Variants in MIS18BP1 observed in about 807,000 individuals in gnomAD.
The protein encoded by MIS18BP1 is mis18-binding protein 1.
A neutral mutation model predicts 116.1 loss-of-function variants in MIS18BP1; 72 were observed. That is an observed-to-expected ratio of 0.62 (90% CI 0.51 to 0.75). The LOEUF (loss-of-function observed/expected upper bound fraction) is 0.75. Ranked by LOEUF, MIS18BP1 falls within the 30% of genes least tolerant of loss-of-function variation. The pLI is 0.00. For missense variants in MIS18BP1, 1,363 were observed against 1,303.2 expected (o/e 1.05, Z -0.71); for synonymous variants, 386 against 427.0 (o/e 0.90, Z 1.18).
chr14:45,218,252 AG>A (rs1890875652), intron 12 of MIS18BP1, 29 bp downstream of exon 12: 2 of 1,601,602 alleles, frequency 1.2e-6, no homozygotes, highest in Non-Finnish European at 1.7e-6. Flanking sequence ...ACTGAGTACT[AG>A]GAAAAAAACT....
At chr14:45,244,863 T>C (rs1891682855) in intron 2 of MIS18BP1, among the ~76,000 whole-genome samples, 1 of 152,232 alleles carries the variant, frequency 6.6e-6, no homozygotes, top group Non-Finnish European at 1.5e-5. Flanking sequence ...TAACAATTGG[T>C]CTGTCTGTGT....
At chr14:45,228,911 C>T (rs572491675) in intron 8 of MIS18BP1, among the ~76,000 whole-genome samples, 1 of 152,072 alleles carries the variant, frequency 6.6e-6, no homozygotes, top group African/African-American at 2.4e-5. Flanking sequence ...CTTTACATAA[C>T]CTTAGCTATA....
Position 45,203,977 on chromosome 14 carries a change from T to C in MIS18BP1, c.*132A>G, listed in dbSNP as rs1329233181. On this transcript the variant is annotated 3_prime_UTR_variant, in exon 17 of 17. Coordinates refer to ENST00000310806, the MANE Select transcript of MIS18BP1 (RefSeq NM_018353.5). The stretch of plus-strand genomic sequence containing the variant: ...GGATATTTTACTTTGAACACAAACA[T>C]ATGAAACCTTCAAAAAAGTCCACAT... The C allele has an allele frequency of 2.2e-6, 3 of 1,340,688 alleles. No homozygotes were observed. Among genetic ancestry groups the C allele is most frequent in the Non-Finnish European group, 3.0e-6 (3 of 1,003,152 alleles). The allele number at this position is 1,340,688 out of a possible 1,614,324, so 83.0% of individuals were successfully genotyped here.
intron 4 of MIS18BP1, among the ~76,000 whole-genome samples, chr14:45,239,825 A>T (rs190728765): frequency 6.6e-6 from 1 of 152,210 alleles, no homozygotes; most frequent in Non-Finnish European, 1.5e-5. Context: ...GGCCGCATTC[A>T]GGAGAGTAGA....
chr14:45,237,288 T>C (rs1426283412), intron 5 of MIS18BP1, among the ~76,000 whole-genome samples: 1 of 152,232 alleles, frequency 6.6e-6, no homozygotes, highest in East Asian at 1.9e-4. Flanking sequence ...AATTTATATC[T>C]GGTTGTCCCA....
intron 6 of MIS18BP1, 58 bp downstream of exon 6, chr14:45,235,755 GA>G (rs770662920): frequency 6.9e-6 from 10 of 1,450,754 alleles, no homozygotes; most frequent in East Asian, 4.7e-5. Flanking sequence ...ATTACTGTGA[GA>G]AACATGGTTA....
chr14:45,248,228 C>T (rs550952778), intron 1 of MIS18BP1, among the ~76,000 whole-genome samples: 74 of 151,806 alleles, frequency 4.9e-4, no homozygotes, highest in African/African-American at 1.5e-3. Flanking sequence ...CCACCACACC[C>T]GGCTAATTTT....
intron 13 of MIS18BP1, among the ~76,000 whole-genome samples, chr14:45,211,323 T>C (rs980385988): frequency 2.0e-5 from 3 of 152,204 alleles, no homozygotes; most frequent in African/African-American, 7.2e-5. Context: ...CACTCCCATC[T>C]AGAAATTTAC....
At chr14:45,237,457 C>T (rs1250332197) in intron 5 of MIS18BP1, among the ~76,000 whole-genome samples, 191 bp downstream of exon 5, 2 of 152,224 alleles carry the variant, frequency 1.3e-5, no homozygotes, top group East Asian at 1.9e-4. Flanking sequence ...CTTGAGTAAA[C>T]ATGCAAAAAC....
At chr14:45,223,473 A>T (rs1402792951) in intron 11 of MIS18BP1, among the ~76,000 whole-genome samples, 1 of 152,230 alleles carries the variant, frequency 6.6e-6, no homozygotes, top group African/African-American at 2.4e-5. Context: ...GCTACTCAGG[A>T]GGCTGAGGCA....
chr14:45,239,478 T>C (rs1891517488), intron 4 of MIS18BP1, among the ~76,000 whole-genome samples: 1 of 152,074 alleles, frequency 6.6e-6, no homozygotes, highest in African/African-American at 2.4e-5. Flanking sequence ...AGCGCAGAGA[T>C]CCAGGTAGGC....
intron 14 of MIS18BP1, among the ~76,000 whole-genome samples, chr14:45,206,643 T>C (rs1226704600): frequency 6.6e-6 from 1 of 152,212 alleles, no homozygotes; most frequent in East Asian, 1.9e-4. Context: ...AAGAGGACAA[T>C]AAAATGTGCC....
At chr14:45,210,177 G>T in intron 14 of MIS18BP1, 3 of 440,272 alleles carry the variant, frequency 6.8e-6, no homozygotes, top group East Asian at 3.8e-5. Flanking sequence ...AGAAGTAAAT[G>T]TGGGTTATAT....
chr14:45,228,578 T>C (rs1891189306), intron 8 of MIS18BP1, among the ~76,000 whole-genome samples: 2 of 152,242 alleles, frequency 1.3e-5, no homozygotes, highest in South Asian at 4.1e-4. Context: ...AATTATACAG[T>C]ATATAATATA....
rs779231570 is a variant in MIS18BP1 at position 45,242,863 on chromosome 14, C to T, written c.556G>A (p.Gly186Arg). Reference sequence around the variant, plus strand: ...TTATTTGATGATTCTAGAGGAACTCCTTGGACTGAGGCTAAGGTTTTATTT... The same window carrying T: ...TTATTTGATGATTCTAGAGGAACTCTTTGGACTGAGGCTAAGGTTTTATTT... ...DDSSLRASVQ[G>R]VPLESSNNDI... The change falls in exon 3 of 17, where the codon GGA (glycine) becomes AGA (arginine). Residue 186 changes from glycine (G) to arginine (R), a missense_variant. Transcript: ENST00000310806. 28 of 1,602,326 alleles carry T rather than the reference C, an allele frequency of 1.7e-5. No individual in the cohort carries two copies. The East Asian group carries it at 6.0e-4, about 34-fold the overall frequency.
intron 11 of MIS18BP1, among the ~76,000 whole-genome samples, chr14:45,218,734 AT>A (rs1158513437): frequency 1.3e-5 from 2 of 150,136 alleles, no homozygotes; most frequent in African/African-American, 2.4e-5. Context: ...GCCTTTCAAC[AT>A]TTTTTTTTCT....
At chr14:45,210,781 A>C (rs1169794460) in intron 13 of MIS18BP1, among the ~76,000 whole-genome samples, 1 of 152,184 alleles carries the variant, frequency 6.6e-6, no homozygotes, top group Non-Finnish European at 1.5e-5. Context: ...CTTACTGGAA[A>C]TCTTGTCCTT....
intron 13 of MIS18BP1, among the ~76,000 whole-genome samples, chr14:45,211,646 T>TA (rs1157395431): frequency 1.3e-5 from 2 of 152,218 alleles, no homozygotes; most frequent in African/African-American, 4.8e-5. Flanking sequence ...GTTGGACCCC[T>TA]ATTGCTGGTT....
rs1890839102 is a variant in MIS18BP1, at chr14:45,217,077, G to A, written c.2945C>T (p.Pro982Leu). The change falls in exon 13 of 17, where the codon CCA (proline) becomes CTA (leucine). Residue 982 changes from proline to leucine, a missense_variant. By Grantham distance (98) the Pro-to-Leu change is moderately conservative. Transcript: ENST00000310806. ...QQMREFLEQL[P>L]KDDHDDFFST... is the part of the protein sequence containing the mutation. ...GAAAAAATCATCATGGTCATCTTTTGGCAACTGTTCCAGAAATTCCCTCAT... is the reference window on the plus strand; with the variant it reads ...GAAAAAATCATCATGGTCATCTTTTAGCAACTGTTCCAGAAATTCCCTCAT... 6.2e-7 allele frequency: 1 copy of A among 1,613,910 alleles called. No individual in the cohort carries two copies. Among genetic ancestry groups the A allele is most frequent in the Admixed American group, 1.7e-5 (1 of 59,998 alleles).
Sources: allele counts gnomAD v4.1 joint callset (sites outside exome capture counted in the v4.1 genomes callset), GRCh38; gene constraint gnomAD v4.1.1; transcripts MANE v1.5; gene names NCBI Gene and HGNC (gene_info 2026-07-23, HGNC 2026-07-21).